Variants in CYP3A4 observed in about 807,000 individuals in gnomAD.
The protein encoded by CYP3A4 is cytochrome P450 family 3 subfamily A member 4.
Under a neutral mutation model 54.9 loss-of-function variants are expected in CYP3A4, and 41 were observed. The ratio of observed to expected loss-of-function variants is 0.75; its 90% CI spans 0.58 to 0.97. The LOEUF is 0.97. Ranked by LOEUF, CYP3A4 falls within the 50% of genes least tolerant of loss-of-function variation. CYP3A4 has a pLI of 0.00. For missense variants in CYP3A4, 510 were observed against 597.3 expected (o/e 0.85, Z 1.52); for synonymous variants, 179 against 205.2 (o/e 0.87, Z 1.09).
At chr7:99,776,904 A>G (rs1326779494) in intron 3 of CYP3A4, among the ~76,000 whole-genome samples, 5 of 152,196 alleles carry the variant, frequency 3.3e-5, no homozygotes, top group Admixed American at 3.3e-4. Context: ...AGTGGTTAAG[A>G]ATATTCAGCA....
intron 11 of CYP3A4, 109 bp from the exon 12 acceptor site, chr7:99,761,090 A>T: frequency 7.9e-7 from 1 of 1,270,728 alleles, no homozygotes; most frequent in South Asian, 1.6e-5. Context: ...AGTACACAGG[A>T]TACTTTTGTG....
In CYP3A4 at chr7:99,757,804, G is replaced by A. The variant is rs12721631; in HGVS notation, c.*329C>T. 442 of 219,554 alleles carry A rather than the reference G, an allele frequency of 2.0e-3. 3 individuals are homozygous for A. The highest frequency in any genetic ancestry group is 3.2e-3 in the Non-Finnish European group (355 of 109,686). The allele number at this position is 219,554 out of a possible 1,614,324, so 13.6% of individuals were successfully genotyped here. On this transcript the variant is annotated 3_prime_UTR_variant, in exon 13 of 13. Transcript: ENST00000651514. ...TTATTTTCATTAATAATTTGTGGAG[G>A]AAATTATTGAGAAATGTTGATTCTC...
At position 99,784,059 on chromosome 7, in the gene CYP3A4, G is replaced by A. The variant is rs1815999735; in HGVS notation, c.23C>T (p.Ala8Val). The stretch of plus-strand genomic sequence containing the variant: ...AGCCAGGAGAAGCCAGGTTTCCATG[G>A]CCAAGTCTGGGATGAGAGCCATCAC... The part of the protein sequence containing the change: MALIPDL[A>V]METWLLLAVS... The change falls in exon 1 of 13, where the codon GCC becomes GTC. Residue 8 changes from alanine (A) to valine (V), a missense_variant. Physicochemically the swap from Ala to Val is moderately conservative, Grantham distance 64 (BLOSUM62 0). Coordinates refer to ENST00000651514, the MANE Select transcript of CYP3A4 (RefSeq NM_017460.6). 6.2e-7 allele frequency: 1 copy of A among 1,614,008 alleles called. No homozygotes were observed.
intron 12 of CYP3A4, among the ~76,000 whole-genome samples, chr7:99,759,446 A>G (rs1815261311): frequency 1.3e-5 from 2 of 151,820 alleles, no homozygotes; most frequent in South Asian, 4.3e-4. Context: ...ACACACATGC[A>G]TATGCACGAA....
chr7:99,762,927 A>G (rs138596459), intron 10 of CYP3A4, among the ~76,000 whole-genome samples: 306 of 152,318 alleles, frequency 2.0e-3, no homozygotes, highest in African/African-American at 7.1e-3. Flanking sequence ...GTGTCTCTTC[A>G]TACCACAAAG....
intron 1 of CYP3A4, 40 bp from the exon 2 acceptor site, chr7:99,780,125 C>T: frequency 6.3e-7 from 1 of 1,589,958 alleles, no homozygotes; most frequent in Non-Finnish European, 8.6e-7. Context: ...GCGATTGTGA[C>T]TTTATAGATA....
intron 10 of CYP3A4, among the ~76,000 whole-genome samples, chr7:99,763,456 C>T (rs1051245899): frequency 9.2e-5 from 14 of 152,118 alleles, no homozygotes; most frequent in African/African-American, 3.4e-4. Context: ...GAGCAAATTC[C>T]TGTGTCCATA....
chr7:99,770,666 C>G (rs1413902075), intron 4 of CYP3A4, among the ~76,000 whole-genome samples: 1 of 151,858 alleles, frequency 6.6e-6, no homozygotes, highest in Non-Finnish European at 1.5e-5. Context: ...TCTCCTGCAG[C>G]ATGGGCAACG....
At position 99,762,124 on chromosome 7, in the gene CYP3A4, T is replaced by C. The variant is rs768380166; in HGVS notation, c.1170A>G (p.Lys390=). ...AGCTTGGAATCATCACCACCACCCC[T>C]TTGGGAATGAACATCCCATTGATCT... is the stretch of plus-strand genomic sequence containing the variant. ...DVEINGMFIP[K]GVVVMIPSYA... is the part of the protein sequence containing the mutation. The change falls in exon 11 of 13, where the codon AAA becomes AAG. Residue 390 remains lysine, a synonymous_variant. Transcript: ENST00000651514. 4.5e-5 allele frequency: 73 copies of C among 1,613,906 alleles called. No individual in the cohort carries two copies. Among genetic ancestry groups the C allele is most frequent in the Admixed American group, 6.7e-5 (4 of 59,984 alleles).
chr7:99,779,853 G>T, intron 2 of CYP3A4, 139 bp downstream of exon 2: 1 of 778,382 alleles, frequency 1.3e-6, no homozygotes, highest in Non-Finnish European at 2.0e-6. Flanking sequence ...ACATTGCCAT[G>T]TTCTGGGTGA....
In CYP3A4 at chr7:99,757,593, T is replaced by C. The variant is rs1815208016; in HGVS notation, c.*540A>G. The C allele has an allele frequency of 6.5e-6, 1 of 154,318 alleles. No individual in the cohort carries two copies. The highest frequency in any genetic ancestry group is 2.4e-5 in the African/African-American group (1 of 41,464). 9.6% of individuals were successfully genotyped at this position (154,318 alleles called of 1,614,324 possible). The stretch of plus-strand genomic sequence containing the variant: ...GACAAAGGCCCCACGCCAACAGTGA[T>C]TACAATGACCAAAAATATTTACTTG... On this transcript the variant is annotated 3_prime_UTR_variant, in exon 13 of 13. Transcript: ENST00000651514.
At chr7:99,767,854 G>C (rs553915973) in intron 7 of CYP3A4, among the ~76,000 whole-genome samples, 33 of 152,272 alleles carry the variant, frequency 2.2e-4, no homozygotes, top group African/African-American at 7.9e-4. Flanking sequence ...ATTTAGCAAA[G>C]GAAGTGCTCA....
At chr7:99,762,671 A>T (rs1278239320) in intron 10 of CYP3A4, among the ~76,000 whole-genome samples, 1 of 152,176 alleles carries the variant, frequency 6.6e-6, no homozygotes, top group South Asian at 2.1e-4. Context: ...TAAAATCTCC[A>T]TAAATAATTT....
In CYP3A4 at chr7:99,758,139, T is replaced by C. The variant is rs1220820759; in HGVS notation, c.1506A>G (p.Gly502=). Residue 502 remains glycine, a synonymous_variant, in exon 13 of 13, where the codon GGA becomes GGG. Coordinates refer to ENST00000651514, the MANE Select transcript of CYP3A4 (RefSeq NM_017460.6). ...KVESRDGTVS[G]A is the part of the protein sequence containing the mutation. The stretch of plus-strand genomic sequence containing the variant: ...CAGAAGTCCTTAGGAAAATTCAGGC[T>C]CCACTTACGGTGCCATCCCTTGACT... The C allele has an allele frequency of 6.2e-7, 1 of 1,613,600 alleles. No individual in the cohort carries two copies. Among genetic ancestry groups the C allele is most frequent in the Non-Finnish European group, 8.5e-7 (1 of 1,179,644 alleles).
intron 3 of CYP3A4, among the ~76,000 whole-genome samples, chr7:99,774,211 AC>A (rs1345551969): frequency 9.2e-5 from 14 of 152,282 alleles, no homozygotes; most frequent in African/African-American, 3.4e-4. Flanking sequence ...TAGGCTACCA[AC>A]CAAAAAAAGT....
In CYP3A4 at chr7:99,769,916, C is replaced by T. The variant is rs1372453948; in HGVS notation, c.433-60G>A. ...TGTGCAGACTCTAGTCCCAGAAGGACATGGCTTTCCCCAGCATGGAGCAGT... is the reference window on the plus strand; with the variant it reads ...TGTGCAGACTCTAGTCCCAGAAGGATATGGCTTTCCCCAGCATGGAGCAGT... On this transcript the variant is annotated intron_variant, in intron 5 of 12. Coordinates refer to ENST00000651514, the MANE Select transcript of CYP3A4 (RefSeq NM_017460.6). The T allele has an allele frequency of 3.7e-6, 6 of 1,610,982 alleles. No individual in the cohort carries two copies. The African/African-American group carries it at 6.7e-5, about 18-fold the overall frequency.
chr7:99,773,744 G>T (rs1345330593), intron 3 of CYP3A4, among the ~76,000 whole-genome samples: 1 of 152,106 alleles, frequency 6.6e-6, no homozygotes, highest in Non-Finnish European at 1.5e-5. Context: ...AGAGAAAGCA[G>T]GAAAGATCTA....
At chr7:99,764,123 T>C (rs369789426) in intron 9 of CYP3A4, 108 bp from the exon 10 acceptor site, 5 of 1,521,588 alleles carry the variant, frequency 3.3e-6, no homozygotes, top group African/African-American at 2.8e-5. Context: ...GGGAAAAGAA[T>C]AGAAAAGCAA....
At position 99,769,821 on chromosome 7, in the gene CYP3A4, C is replaced by G; in HGVS notation, c.468G>C (p.Leu156Phe). 3 of 1,613,992 alleles carry G rather than the reference C, an allele frequency of 1.9e-6. No individual in the cohort carries two copies. The highest frequency in any genetic ancestry group is 1.3e-5 in the African/African-American group (1 of 75,010). Residue 156 changes from leucine to phenylalanine, a missense_variant, in exon 6 of 13, where the codon TTG becomes TTC. Transcript: ENST00000651514. ...CTGCTTCCCGCCTCAGATTTCTCACCAACACATCTCCATACTGGGCAATGA... is the reference window on the plus strand; with the variant it reads ...CTGCTTCCCGCCTCAGATTTCTCACGAACACATCTCCATACTGGGCAATGA... ...VPIIAQYGDV[L>F]VRNLRREAET...
Sources: gnomAD v4.1 joint callset for allele counts (sites outside exome capture counted in the v4.1 genomes callset) on GRCh38, gnomAD v4.1.1 for gene constraint, MANE v1.5 for transcripts, NCBI Gene and HGNC (gene_info 2026-07-23, HGNC 2026-07-21) for gene names.